The following ZNF423 variants were observed in gnomAD, a reference collection of about 807,000 sequenced individuals.
The protein encoded by ZNF423 is Ebf-associated zinc finger protein.
In ZNF423, 12 loss-of-function variants were observed where a neutral mutation model predicts 95.8. The ratio of observed to expected loss-of-function variants is 0.13; its 90% CI spans 0.08 to 0.20. The LOEUF is 0.20. Among genes scored for constraint, ZNF423 ranks in the 10% least tolerant of loss-of-function variants. The pLI is 1.00. For missense variants in ZNF423, 1,316 were observed against 1,737.1 expected, an observed-to-expected ratio of 0.76 and a Z score of 4.31; for synonymous variants, 749 against 711.9, an observed-to-expected ratio of 1.05 and a Z score of -0.83.
intron 5 of ZNF423, among the ~76,000 whole-genome samples, chr16:49,569,555 C>T (rs964548316): frequency 3.9e-5 from 6 of 152,172 alleles, no homozygotes; most frequent in Non-Finnish European, 2.9e-5. Flanking sequence ...CCTCAGTTTC[C>T]TCCTCTGGAT....
intron 3 of ZNF423, among the ~76,000 whole-genome samples, chr16:49,658,509 T>C (rs967115865): frequency 6.6e-6 from 1 of 152,210 alleles, no homozygotes; most frequent in Non-Finnish European, 1.5e-5. Flanking sequence ...CTAGAGTAAT[T>C]GTCGTCGTGG....
chr16:49,596,603 G>C (rs1371219999), intron 5 of ZNF423, among the ~76,000 whole-genome samples: 1 of 152,180 alleles, frequency 6.6e-6, no homozygotes, highest in East Asian at 1.9e-4. Flanking sequence ...GCTAATTTGT[G>C]TTTTTCTACT....
At chr16:49,570,554 G>T (rs779816495) in intron 5 of ZNF423, among the ~76,000 whole-genome samples, 2 of 152,150 alleles carry the variant, frequency 1.3e-5, no homozygotes, top group Non-Finnish European at 2.9e-5. Context: ...AATGAAGAAT[G>T]AAACAGTTTG....
rs1294884014 is a variant in ZNF423 at position 49,509,649 on chromosome 16, G to C, written c.3849+13975C>G. Among the ~76,000 whole-genome samples the C allele has an allele frequency of 2.0e-5, 3 of 151,952 alleles. No individual in the cohort carries two copies. In the South Asian group the frequency reaches 6.3e-4, roughly 32 times the overall value. ...AGCACCCTGGTCTCTCGTTGATGGG[G>C]GCTAAGACATCCCCAGCCATGCCAG... On this transcript the variant is annotated intron_variant, in intron 7 of 7. Transcript: ENST00000563137.
chr16:49,573,977 C>T (rs1285780118), intron 5 of ZNF423, among the ~76,000 whole-genome samples: 2 of 152,200 alleles, frequency 1.3e-5, no homozygotes, highest in African/African-American at 2.4e-5. Context: ...CACAGCAAGC[C>T]GTACCAATCT....
intron 3 of ZNF423, among the ~76,000 whole-genome samples, chr16:49,681,212 G>C (rs1035276627): frequency 4.6e-5 from 7 of 152,200 alleles, no homozygotes; most frequent in African/African-American, 1.7e-4. Flanking sequence ...GGGTGGATTT[G>C]GGGAAAACCA....
chr16:49,742,842 G>A (rs1457713023), intron 2 of ZNF423, among the ~76,000 whole-genome samples: 3 of 152,058 alleles, frequency 2.0e-5, no homozygotes, highest in African/African-American at 7.2e-5. Context: ...GGGAGAGGAG[G>A]GATCTGTACC....
At chr16:49,835,281 G>A (rs1205931062) in intron 1 of ZNF423, among the ~76,000 whole-genome samples, 1 of 152,216 alleles carries the variant, frequency 6.6e-6, no homozygotes, top group African/African-American at 2.4e-5. Flanking sequence ...CAGCCGGGAG[G>A]TGGGGTCTGA....
At chr16:49,815,565 G>T (rs745415643) in intron 1 of ZNF423, among the ~76,000 whole-genome samples, 4 of 152,106 alleles carry the variant, frequency 2.6e-5, no homozygotes, top group Non-Finnish European at 4.4e-5. Flanking sequence ...GGCTGGTCCA[G>T]GAGCTCCAGG....
At chr16:49,650,513 G>A (rs7188501) in intron 3 of ZNF423, among the ~76,000 whole-genome samples, 78,924 of 152,030 alleles carry the variant, frequency 0.52, 21,367 homozygotes, top group South Asian at 0.67. Context: ...AACATTTTGC[G>A]CAGCACCTCA....
Position 49,855,579 on chromosome 16 carries a change from TCCGCCTCCGCCTCCGCCTCCTCTG to T in ZNF423, c.40+132_40+155del, listed in dbSNP as rs2035356478. On this transcript the variant is annotated intron_variant, in intron 1 of 7. Coordinates refer to ENST00000563137, the MANE Select transcript of ZNF423 (RefSeq NM_001379286.1). The surrounding 1 kb of genome is among the most constrained non-coding windows in gnomAD (Gnocchi z 4.7). ...GGCTTCCTCCTCCCCCTCCTCCGCC[TCCGCCTCCGCCTCCGCCTCCTCTG>T]CCGCCTCCTCCTCCTCCTCTCGGCT... Among the ~76,000 whole-genome samples, 1 of 146,574 alleles carries T rather than the reference TCCGCCTCCGCCTCCGCCTCCTCTG, an allele frequency of 6.8e-6. No homozygotes were observed. The highest frequency in any genetic ancestry group is 1.5e-5 in the Non-Finnish European group (1 of 66,434).
At position 49,646,574 on chromosome 16, in the gene ZNF423, C is replaced by CTTTTTTTTTTTTTTTTTTTTTTTTTTT. The variant is rs71380366; in HGVS notation, c.302-7701_302-7700insAAAAAAAAAAAAAAAAAAAAAAAAAAA. ...TTATGGCACATTTTCTTTTCTTTTT[C>CTTTTTTTTTTTTTTTTTTTTTTTTTTT]TTTTTTTTTTTTTTGAGAAGGAGTC... is the stretch of plus-strand genomic sequence containing the variant. On this transcript the variant is annotated intron_variant, in intron 3 of 7. Coordinates refer to ENST00000563137, the MANE Select transcript of ZNF423 (RefSeq NM_001379286.1). 5.5e-4 allele frequency among the ~76,000 whole-genome samples: 65 copies of CTTTTTTTTTTTTTTTTTTTTTTTTTTT among 117,988 alleles called. 5 individuals are homozygous for CTTTTTTTTTTTTTTTTTTTTTTTTTTT. The highest frequency in any genetic ancestry group is 1.1e-3 in the African/African-American group (38 of 33,622). The allele number at this position is 117,988 out of a possible 152,430, so 77.4% of individuals were successfully genotyped here. A position where few individuals can be genotyped will look rare whatever the true frequency, so the allele number is the denominator to read the frequency against.
At position 49,855,429 on chromosome 16, in the gene ZNF423, C is replaced by T. The variant is rs1354656194; in HGVS notation, c.40+306G>A. On this transcript the variant is annotated intron_variant, in intron 1 of 7. Transcript: ENST00000563137. The surrounding 1 kb of genome is among the most constrained non-coding windows in gnomAD (Gnocchi z 4.7). ...CCGCACGGAGGGAGCGGCAAGGGCC[C>T]CTTAGCGGCGCCCCCAGGCCTGGGT... Among the ~76,000 whole-genome samples, 2 of 151,136 alleles carry T rather than the reference C, an allele frequency of 1.3e-5. No individual in the cohort carries two copies. Among genetic ancestry groups the T allele is most frequent in the Non-Finnish European group, 3.0e-5 (2 of 67,698 alleles).
rs865814035 is a variant in ZNF423, at chr16:49,855,042, G to A, written c.40+693C>T. 2 of 984,246 alleles carry A rather than the reference G, an allele frequency of 2.0e-6. No individual in the cohort carries two copies. Among genetic ancestry groups the A allele is most frequent in the Non-Finnish European group, 2.4e-6 (2 of 829,444 alleles). The allele number at this position is 984,246 out of a possible 1,614,324, so 61.0% of individuals were successfully genotyped here. On this transcript the variant is annotated intron_variant, in intron 1 of 7. Coordinates refer to ENST00000563137, the MANE Select transcript of ZNF423 (RefSeq NM_001379286.1). The surrounding 1 kb of genome is among the most constrained non-coding windows in gnomAD (Gnocchi z 4.7). ...ACCTGCGTCCCGCCGGCGCCGTGCA[G>A]ACAATGAACTCCTGGCGGAGGCTCC...
At chr16:49,645,179 T>C (rs1277728426) in intron 3 of ZNF423, among the ~76,000 whole-genome samples, 4 of 152,144 alleles carry the variant, frequency 2.6e-5, no homozygotes, top group Non-Finnish European at 5.9e-5. Context: ...CAAAGCTTTG[T>C]AATACACCAA....
intron 3 of ZNF423, among the ~76,000 whole-genome samples, chr16:49,681,390 G>C (rs976834498): frequency 5.3e-5 from 8 of 152,200 alleles, no homozygotes; most frequent in Non-Finnish European, 1.0e-4. Flanking sequence ...GAGAACTTTG[G>C]TAACTGAGTG....
At chr16:49,688,502 T>C (rs1178829424) in intron 3 of ZNF423, among the ~76,000 whole-genome samples, 2 of 152,308 alleles carry the variant, frequency 1.3e-5, no homozygotes, top group Middle Eastern at 3.4e-3. Flanking sequence ...GATGTCTTGC[T>C]GGCAGCCCGG....
At chr16:49,534,317 G>A (rs554222031) in intron 5 of ZNF423, among the ~76,000 whole-genome samples, 4 of 151,086 alleles carry the variant, frequency 2.6e-5, no homozygotes, top group African/African-American at 7.3e-5. Context: ...GCCATGGCAC[G>A]TTCTCAGCTC....
In ZNF423 at chr16:49,778,365, G is replaced by A. The variant is rs528932120; in HGVS notation, c.100+11122C>T. Among the ~76,000 whole-genome samples the A allele has an allele frequency of 1.4e-4, 22 of 152,346 alleles. No homozygotes were observed. The South Asian group carries it at 3.9e-3, about 27-fold the overall frequency. On this transcript the variant is annotated intron_variant, in intron 2 of 7. Transcript: ENST00000563137. ...GCCCTGCAGAGTGTCCACCCAGGAA[G>A]CCAACACACGCCAGGTGGTGTGGTC...
Sources: gnomAD v4.1 joint callset for allele counts (sites outside exome capture counted in the v4.1 genomes callset) on GRCh38, gnomAD v4.1.1 for gene constraint, Gnocchi (gnomAD v3.1) non-coding constraint, MANE v1.5 for transcripts, NCBI Gene and HGNC (gene_info 2026-07-23, HGNC 2026-07-21) for gene names.